DIAPH2: variants seen among roughly 807,000 people sequenced by gnomAD.
DIAPH2 encodes diaphanous related formin 2, also known as protein diaphanous homolog 2.
In DIAPH2, 35 loss-of-function variants were observed where a neutral mutation model predicts 92.7. The observed-to-expected ratio is 0.38, with a 90% CI of 0.29 to 0.50. DIAPH2 has a LOEUF of 0.50. Ranked by LOEUF, DIAPH2 falls within the 20% of genes least tolerant of loss-of-function variation. The probability of loss-of-function intolerance (pLI) is 0.94; values close to 1 mark genes in which losing one functional copy is unlikely to be tolerated. For missense variants in DIAPH2, 701 were observed against 819.5 expected (o/e 0.86, Z 1.77); for synonymous variants, 301 against 280.4 (o/e 1.07, Z -0.73).
intron 17 of DIAPH2, among the ~76,000 whole-genome samples, chrX:97,002,978 A>AT (rs1291523197): frequency 9.0e-6 from 1 of 111,615 alleles, no homozygotes; most frequent in Non-Finnish European, 1.9e-5. Flanking sequence ...CCATCGTTCT[A>AT]CTATCTATCT....
At chrX:97,577,449 G>A (rs1168938422) in intron 26 of DIAPH2, among the ~76,000 whole-genome samples, 1 of 112,168 alleles carries the variant, frequency 8.9e-6, no homozygotes, top group Non-Finnish European at 1.9e-5. Flanking sequence ...TGAGCAGTAC[G>A]AAATTGGCTA....
chrX:97,570,682 C>A (rs985583725), intron 26 of DIAPH2, among the ~76,000 whole-genome samples: 1 of 110,698 alleles, frequency 9.0e-6, no homozygotes, highest in African/African-American at 3.3e-5. Flanking sequence ...TCTCACTGTT[C>A]AACAGGAAGG....
intron 26 of DIAPH2, among the ~76,000 whole-genome samples, chrX:97,568,453 T>C (rs1602673392): frequency 9.0e-6 from 1 of 111,449 alleles, no homozygotes; most frequent in Non-Finnish European, 1.9e-5. Flanking sequence ...CAATAAGATA[T>C]TAACTCTGAG....
intron 24 of DIAPH2, among the ~76,000 whole-genome samples, chrX:97,363,665 CAA>C (rs35245894): frequency 0.082 from 1,433 of 17,569 alleles, 1 homozygote; most frequent in Non-Finnish European, 0.1. Context: ...GACTCTGCCT[CAA>C]AAAAAAAAAA....
At chrX:96,813,571 G>T (rs1438624076) in intron 4 of DIAPH2, among the ~76,000 whole-genome samples, 1 of 111,409 alleles carries the variant, frequency 9.0e-6, no homozygotes, top group African/African-American at 3.3e-5. Flanking sequence ...TCATTAAGAT[G>T]TTAGGTGGTT....
chrX:96,902,118 C>T (rs1300087691), intron 5 of DIAPH2, among the ~76,000 whole-genome samples: 1 of 111,629 alleles, frequency 9.0e-6, no homozygotes, highest in Non-Finnish European at 1.9e-5. Flanking sequence ...AGTTGATTTC[C>T]AGTTTTATTC....
At chrX:97,470,178 T>C (rs751360417) in intron 26 of DIAPH2, among the ~76,000 whole-genome samples, 1 of 111,608 alleles carries the variant, frequency 9.0e-6, no homozygotes, top group South Asian at 3.8e-4. Context: ...CCATGGTTTT[T>C]TGCCAGTTAT....
At chrX:96,812,237 G>A (rs1384587626) in intron 4 of DIAPH2, among the ~76,000 whole-genome samples, 1 of 111,712 alleles carries the variant, frequency 9.0e-6, no homozygotes, top group South Asian at 3.8e-4. Flanking sequence ...CTTCTTCCTG[G>A]TTTAGTCTTG....
chrX:97,272,368 C>T (rs940678948), intron 23 of DIAPH2, among the ~76,000 whole-genome samples: 6 of 111,978 alleles, frequency 5.4e-5, no homozygotes, highest in Non-Finnish European at 7.5e-5. Context: ...ATAACCTTAA[C>T]ATCACGCATT....
intron 4 of DIAPH2, among the ~76,000 whole-genome samples, chrX:96,788,005 C>T (rs1264381191): frequency 8.2e-5 from 9 of 109,547 alleles, no homozygotes; most frequent in South Asian, 3.9e-4. Context: ...CCACCATGCC[C>T]GGCCCTAGAA....
intron 17 of DIAPH2, among the ~76,000 whole-genome samples, chrX:97,021,754 TAAAG>T (rs539659755): frequency 7.1e-5 from 8 of 112,031 alleles, no homozygotes; most frequent in South Asian, 7.5e-4. Context: ...GTACATTTGA[TAAAG>T]AAACACGCTC....
intron 26 of DIAPH2, chrX:97,442,634 A>G (rs1373437707): frequency 1.8e-5 from 2 of 112,514 alleles, no homozygotes; most frequent in African/African-American, 3.2e-5. Flanking sequence ...TTACAGCAGA[A>G]TCCATCTGCT....
chrX:96,766,933 C>G (rs2064307904), intron 4 of DIAPH2, among the ~76,000 whole-genome samples: 1 of 111,746 alleles, frequency 8.9e-6, no homozygotes, highest in African/African-American at 3.2e-5. Context: ...AAAACCACCC[C>G]CTTAGCCTCA....
intron 21 of DIAPH2, among the ~76,000 whole-genome samples, chrX:97,125,530 T>G (rs1489576755): frequency 3.7e-5 from 4 of 107,294 alleles, no homozygotes; most frequent in Non-Finnish European, 7.7e-5. Flanking sequence ...CAAATTATAT[T>G]CCTTATCTTC....
chrX:96,939,011 T>C (rs1220010570), intron 11 of DIAPH2, among the ~76,000 whole-genome samples: 1 of 111,660 alleles, frequency 9.0e-6, no homozygotes, highest in Non-Finnish European at 1.9e-5. Context: ...AAAATATGTA[T>C]AACGGATCAT....
At chrX:97,591,531 C>T (rs2147886142) in intron 26 of DIAPH2, among the ~76,000 whole-genome samples, 1 of 111,715 alleles carries the variant, frequency 9.0e-6, no homozygotes. Flanking sequence ...GGATCAGTTT[C>T]TGATTTGATG....
At chrX:97,514,557 C>G (rs1457550976) in intron 26 of DIAPH2, among the ~76,000 whole-genome samples, 7 of 110,744 alleles carry the variant, frequency 6.3e-5, no homozygotes, top group African/African-American at 2.3e-4. Flanking sequence ...TGGTGAGGAG[C>G]TGCGTTCCTT....
chrX:96,769,358 A>G lies in DIAPH2; in HGVS notation c.447+11100A>G, dbSNP rs767058775. 1.1e-4 allele frequency among the ~76,000 whole-genome samples: 12 copies of G among 112,126 alleles called. No homozygotes were observed. In the South Asian group the frequency reaches 4.5e-3, roughly 42 times the overall value. On this transcript the variant is annotated intron_variant, in intron 4 of 26. Coordinates refer to ENST00000324765, the MANE Select transcript of DIAPH2 (RefSeq NM_006729.5). ...TCACAATAGCAGGAGTAAAGGTATCACCATGCAAGAACATTTATTTAGCTC... is the reference window on the plus strand; with the variant it reads ...TCACAATAGCAGGAGTAAAGGTATCGCCATGCAAGAACATTTATTTAGCTC...
chrX:97,300,966 G>GAAAAAAAA (rs2068697171), intron 23 of DIAPH2, among the ~76,000 whole-genome samples: 1 of 15,581 alleles, frequency 6.4e-5, no homozygotes. Context: ...AAAAAAAAAA[G>GAAAAAAAA]AAGAAGAAGA....
Sources: gnomAD v4.1 joint callset for allele counts (sites outside exome capture counted in the v4.1 genomes callset) on GRCh38, gnomAD v4.1.1 for gene constraint, MANE v1.5 for transcripts, NCBI Gene and HGNC (gene_info 2026-07-23, HGNC 2026-07-21) for gene names.